ITGB3BP: variants seen among roughly 807,000 people sequenced by gnomAD.
ITGB3BP encodes the protein centromere protein R.
A neutral mutation model predicts 29.1 loss-of-function variants in ITGB3BP; 27 were observed. The observed-to-expected ratio is 0.93, with a 90% confidence interval of 0.68 to 1.28. The LOEUF is 1.28. ITGB3BP is among the 50% of genes most tolerant of loss of function. The probability of loss-of-function intolerance (pLI) is 0.00; values close to 1 mark genes in which losing one functional copy is unlikely to be tolerated. For synonymous variants in ITGB3BP, 61 were observed against 61.4 expected (o/e 0.99, Z 0.03); for missense variants, 192 against 200.2 (o/e 0.96, Z 0.25).
At chr1:63,515,162 A>C (rs2100806487) in intron 1 of ITGB3BP, among the ~76,000 whole-genome samples, 1 of 152,282 alleles carries the variant, frequency 6.6e-6, no homozygotes, top group East Asian at 1.9e-4. Context: ...TTTAGGACTA[A>C]AATGTATCTC....
At chr1:63,457,970 T>A (rs1644959473) in intron 4 of ITGB3BP, 1 of 148,256 alleles carries the variant, frequency 6.7e-6, no homozygotes, top group Admixed American at 6.8e-5. Context: ...CATCTCGTAG[T>A]TTTTCTCTTG....
chr1:63,521,466 A>C (rs1021965138), intron 1 of ITGB3BP, among the ~76,000 whole-genome samples: 4 of 152,264 alleles, frequency 2.6e-5, no homozygotes, highest in Non-Finnish European at 1.5e-5. Flanking sequence ...TGTATTTATT[A>C]CCAGAATATA....
chr1:63,464,882 T>A (rs146229151), intron 4 of ITGB3BP, among the ~76,000 whole-genome samples: 1 of 152,248 alleles, frequency 6.6e-6, no homozygotes, highest in East Asian at 1.9e-4. Context: ...AAAAACAGTC[T>A]ACACTATTTA....
At chr1:63,522,174 T>C (rs376408442) in intron 1 of ITGB3BP, among the ~76,000 whole-genome samples, 2 of 152,192 alleles carry the variant, frequency 1.3e-5, no homozygotes, top group African/African-American at 4.8e-5. Context: ...ATTTTAGGAT[T>C]CAATGAAAAA....
chr1:63,526,914 G>A (rs1392253693), upstream of ITGB3BP, among the ~76,000 whole-genome samples: 2 of 152,096 alleles, frequency 1.3e-5, no homozygotes, highest in African/African-American at 2.4e-5. Context: ...ACAGTTGCAC[G>A]CCACCATGCC....
chr1:63,445,432 A>G (rs971392418), intron 8 of ITGB3BP, among the ~76,000 whole-genome samples: 24 of 152,240 alleles, frequency 1.6e-4, no homozygotes, highest in Non-Finnish European at 2.9e-4. Context: ...AATTTTCTAT[A>G]TAAGATGCTT....
chr1:63,511,298 G>A (rs2100786799), intron 1 of ITGB3BP, among the ~76,000 whole-genome samples: 1 of 152,210 alleles, frequency 6.6e-6, no homozygotes, highest in East Asian at 1.9e-4. Context: ...CAGAAAATAA[G>A]TGTTGGTGAG....
intron 1 of ITGB3BP, among the ~76,000 whole-genome samples, chr1:63,518,226 T>A (rs535042048): frequency 1.3e-5 from 2 of 152,252 alleles, no homozygotes; most frequent in Non-Finnish European, 2.9e-5. Context: ...CGAATGGGTA[T>A]GTTCTCTGTA....
At chr1:63,441,405 T>A (rs1644728973) in intron 8 of ITGB3BP, among the ~76,000 whole-genome samples, 1 of 151,736 alleles carries the variant, frequency 6.6e-6, no homozygotes, top group African/African-American at 2.4e-5. Flanking sequence ...ACCCAGCTAA[T>A]TTTTGTATTT....
intron 8 of ITGB3BP, among the ~76,000 whole-genome samples, chr1:63,441,457 T>C (rs3009574): frequency 0.61 from 92,014 of 151,958 alleles, 29,620 homozygotes; most frequent in African/African-American, 0.82. Flanking sequence ...AGGCTGGTCT[T>C]GAACTCCTGA....
rs760819501 is a variant in ITGB3BP, at chr1:63,454,353, TG to T, written c.427+26del. The stretch of plus-strand genomic sequence containing the variant: ...TTAATAGGTTTATCTTTAAAATTAC[TG>T]TCATTGAAAACTCAAAAATTCTTAC... On this transcript the variant is annotated intron_variant, in intron 6 of 8. Coordinates refer to ENST00000271002, the MANE Select transcript of ITGB3BP (RefSeq NM_014288.5). The surrounding 1 kb of genome is among the most constrained non-coding windows in gnomAD (Gnocchi z 4.1). 3 of 1,136,328 alleles carry T rather than the reference TG, an allele frequency of 2.6e-6. No individual in the cohort carries two copies. Among genetic ancestry groups the T allele is most frequent in the Non-Finnish European group, 4.0e-6 (3 of 759,230 alleles). The allele number at this position is 1,136,328 out of a possible 1,614,324, so 70.4% of individuals were successfully genotyped here. A position where few individuals can be genotyped will look rare whatever the true frequency, so the allele number is the denominator to read the frequency against.
At position 63,454,550 on chromosome 1, in the gene ITGB3BP, A is replaced by G; in HGVS notation, c.334-77T>C. 1.5e-6 allele frequency: 1 copy of G among 667,730 alleles called. No individual in the cohort carries two copies. The allele number at this position is 667,730 out of a possible 1,614,324, so 41.4% of individuals were successfully genotyped here. On this transcript the variant is annotated intron_variant, in intron 5 of 8. Coordinates refer to ENST00000271002, the MANE Select transcript of ITGB3BP (RefSeq NM_014288.5). This position sits in a 1 kb window ranked among gnomAD's most constrained non-coding sequence, Gnocchi z 4.1. The stretch of plus-strand genomic sequence containing the variant: ...CTGACATGTCTAGTGAAAATACAGT[A>G]TATTGTTTCCTTCATTTGAAAAACT...
chr1:63,458,403 T>C (rs890777394), intron 4 of ITGB3BP: 2 of 152,064 alleles, frequency 1.3e-5, no homozygotes, highest in African/African-American at 4.8e-5. Context: ...TTGTATTAAA[T>C]TGGTGCTTCT....
intron 3 of ITGB3BP, among the ~76,000 whole-genome samples, chr1:63,487,293 T>G (rs577919266): frequency 6.6e-6 from 1 of 152,162 alleles, no homozygotes; most frequent in East Asian, 1.9e-4. Context: ...AGTGGACCTG[T>G]GCAGTTCAAA....
At position 63,454,556 on chromosome 1, in the gene ITGB3BP, T is replaced by C; in HGVS notation, c.334-83A>G. Reference sequence around the variant, plus strand: ...TGTCTAGTGAAAATACAGTATATTGTTTCCTTCATTTGAAAAACTTAAACT... The same window carrying C: ...TGTCTAGTGAAAATACAGTATATTGCTTCCTTCATTTGAAAAACTTAAACT... On this transcript the variant is annotated intron_variant, in intron 5 of 8. Transcript: ENST00000271002. The surrounding 1 kb of genome is among the most constrained non-coding windows in gnomAD (Gnocchi z 4.1). The C allele has an allele frequency of 1.6e-6, 1 of 638,068 alleles. No individual in the cohort carries two copies. Among genetic ancestry groups the C allele is most frequent in the Admixed American group, 2.9e-5 (1 of 34,904 alleles). 39.5% of individuals were successfully genotyped at this position (638,068 alleles called of 1,614,324 possible).
intron 3 of ITGB3BP, among the ~76,000 whole-genome samples, chr1:63,487,045 T>C (rs536439826): frequency 6.6e-6 from 1 of 152,210 alleles, no homozygotes; most frequent in African/African-American, 2.4e-5. Flanking sequence ...AATGGGACTG[T>C]GTAGGGTCTA....
At chr1:63,510,402 G>T (rs906013882) in intron 1 of ITGB3BP, among the ~76,000 whole-genome samples, 1 of 152,110 alleles carries the variant, frequency 6.6e-6, no homozygotes, top group Admixed American at 6.5e-5. Flanking sequence ...AAAGTTTACA[G>T]ATTAGGCCCC....
chr1:63,525,633 A>G (rs1557666670), upstream of ITGB3BP: 1 of 1,601,226 alleles, frequency 6.2e-7, no homozygotes, highest in East Asian at 2.3e-5. Flanking sequence ...ACCTTCAGAG[A>G]GTCCTCGAAC....
At chr1:63,481,893 C>T (rs1267329856) in intron 3 of ITGB3BP, among the ~76,000 whole-genome samples, 1 of 152,070 alleles carries the variant, frequency 6.6e-6, no homozygotes, top group Non-Finnish European at 1.5e-5. Flanking sequence ...CAAACTTATC[C>T]CAGCCCATAA....
Sources: gnomAD v4.1 joint callset for allele counts (sites outside exome capture counted in the v4.1 genomes callset) on GRCh38, gnomAD v4.1.1 for gene constraint, Gnocchi (gnomAD v3.1) non-coding constraint, MANE v1.5 for transcripts, NCBI Gene and HGNC (gene_info 2026-07-23, HGNC 2026-07-21) for gene names.